SNX29: variants seen among roughly 807,000 people sequenced by gnomAD.
SNX29 encodes the protein sorting nexin 29, also known as sorting nexin-29.
Under a neutral mutation model 102.1 loss-of-function variants are expected in SNX29, and 78 were observed. That is an observed-to-expected ratio of 0.76 (90% CI 0.64 to 0.92). The LOEUF (loss-of-function observed/expected upper bound fraction) is 0.92. Ranked by LOEUF, SNX29 falls within the 40% of genes least tolerant of loss-of-function variation. The probability of loss-of-function intolerance (pLI) is 0.00; values close to 1 mark genes in which losing one functional copy is unlikely to be tolerated. For synonymous variants in SNX29, 580 were observed against 414.5 expected, an observed-to-expected ratio of 1.40 and a Z score of -4.85; for missense variants, 1,280 against 1,061.7, an observed-to-expected ratio of 1.21 and a Z score of -2.86.
At chr16:12,264,419 T>C (rs1830386022) in intron 14 of SNX29, among the ~76,000 whole-genome samples, 1 of 152,248 alleles carries the variant, frequency 6.6e-6, no homozygotes, top group African/African-American at 2.4e-5. Flanking sequence ...TTTCCGCCTC[T>C]GATATGTATA....
At chr16:12,467,268 C>G (rs537723398) in intron 18 of SNX29, among the ~76,000 whole-genome samples, 4 of 152,326 alleles carry the variant, frequency 2.6e-5, no homozygotes, top group African/African-American at 9.6e-5. Flanking sequence ...CTCTTAGAGA[C>G]ATACATCTGT....
chr16:12,439,687 C>G (rs1263927171), intron 18 of SNX29, among the ~76,000 whole-genome samples: 1 of 147,740 alleles, frequency 6.8e-6, no homozygotes, highest in African/African-American at 2.6e-5. Context: ...GTTATGGCAG[C>G]TACAATTCAA....
In SNX29 at chr16:12,477,761, C is replaced by T. The variant is rs1011165227; in HGVS notation, c.2080C>T (p.Arg694Trp). The T allele has an allele frequency of 5.0e-6, 8 of 1,613,064 alleles. No homozygotes were observed. The highest frequency in any genetic ancestry group is 1.7e-5 in the Admixed American group (1 of 59,714). The change falls in exon 19 of 21, where the codon CGG becomes TGG. Residue 694 changes from arginine (R) to tryptophan (W), a missense_variant. By Grantham distance (101) the Arg-to-Trp change is moderately radical. Transcript: ENST00000566228. ...AGACGATGAATGGAATATTTATCGC[C>T]GGTATACAGAGTTCAGGAGTTTGCA... ...IKDDEWNIYRRYTEFRSLHHK... is the reference protein window; with the variant it reads ...IKDDEWNIYRWYTEFRSLHHK...
At chr16:12,493,633 C>T (rs760900508) in intron 19 of SNX29, among the ~76,000 whole-genome samples, 1 of 152,210 alleles carries the variant, frequency 6.6e-6, no homozygotes, top group Non-Finnish European at 1.5e-5. Flanking sequence ...TCACTCTTGC[C>T]CAGGCTGGAC....
chr16:12,346,685 C>T (rs2081819742), intron 15 of SNX29, among the ~76,000 whole-genome samples: 1 of 152,172 alleles, frequency 6.6e-6, no homozygotes. Flanking sequence ...GGCTGGGGCT[C>T]CAGGTTTTGT....
chr16:12,235,143 A>C (rs1406484079), intron 14 of SNX29, among the ~76,000 whole-genome samples: 1 of 151,436 alleles, frequency 6.6e-6, no homozygotes, highest in Non-Finnish European at 1.5e-5. Flanking sequence ...TGTTGACCTT[A>C]TCAGATGAAC....
At chr16:12,208,946 G>T (rs1346559746) in intron 14 of SNX29, among the ~76,000 whole-genome samples, 1 of 151,962 alleles carries the variant, frequency 6.6e-6, no homozygotes, top group African/African-American at 2.4e-5. Flanking sequence ...ACTTAGCTTT[G>T]TTAGGGGCTG....
At chr16:12,566,368 C>T (rs995947078) in intron 20 of SNX29, among the ~76,000 whole-genome samples, 2 of 152,168 alleles carry the variant, frequency 1.3e-5, no homozygotes, top group South Asian at 2.1e-4. Flanking sequence ...TCTCCTCTCC[C>T]AACCAACAAG....
chr16:12,400,416 T>A (rs1208808576), intron 17 of SNX29, among the ~76,000 whole-genome samples: 1 of 152,196 alleles, frequency 6.6e-6, no homozygotes. Flanking sequence ...CCTTCAGAGA[T>A]GGGTGTCTCC....
intron 20 of SNX29, among the ~76,000 whole-genome samples, chr16:12,533,997 T>TAAA (rs1396812408): frequency 6.6e-6 from 1 of 152,228 alleles, no homozygotes; most frequent in African/African-American, 2.4e-5. Context: ...CACTGTACCT[T>TAAA]AAAAGCCTTC....
At chr16:12,372,645 T>G (rs1005543480) in intron 16 of SNX29, 4 of 152,282 alleles carry the variant, frequency 2.6e-5, no homozygotes, top group African/African-American at 7.2e-5. Flanking sequence ...TCAAGTATAA[T>G]GATGGCACAA....
At chr16:11,990,950 C>T (rs2055824824) in intron 1 of SNX29, among the ~76,000 whole-genome samples, 1 of 152,240 alleles carries the variant, frequency 6.6e-6, no homozygotes, top group African/African-American at 2.4e-5. Flanking sequence ...TACATATTAT[C>T]TATGGCTGTT....
chr16:12,547,201 C>A (rs548789186), intron 20 of SNX29, among the ~76,000 whole-genome samples: 1 of 152,184 alleles, frequency 6.6e-6, no homozygotes, highest in Non-Finnish European at 1.5e-5. Flanking sequence ...GATAGTTTGA[C>A]CCGAAGTGGA....
chr16:12,538,595 A>G (rs1486155292), intron 20 of SNX29, among the ~76,000 whole-genome samples: 2 of 152,128 alleles, frequency 1.3e-5, no homozygotes, highest in Non-Finnish European at 2.9e-5. Flanking sequence ...TCTGGGAATC[A>G]GTAGGTGGAT....
In SNX29 at chr16:12,550,844, A is replaced by C. The variant is rs563666254; in HGVS notation, c.2319-17662A>C. Among the ~76,000 whole-genome samples the C allele has an allele frequency of 1.8e-4, 27 of 152,340 alleles. No homozygotes were observed. The East Asian group carries it at 4.8e-3, about 27-fold the overall frequency. On this transcript the variant is annotated intron_variant, in intron 20 of 20. Transcript: ENST00000566228. ...TTTACCTTTTTACAGATGATTTTTG[A>C]GCAGTATTTTCATGATAGACTTTCT...
At chr16:12,221,068 G>A (rs567668847) in intron 14 of SNX29, among the ~76,000 whole-genome samples, 1 of 151,860 alleles carries the variant, frequency 6.6e-6, no homozygotes, top group African/African-American at 2.4e-5. Context: ...GCCCTGAATT[G>A]TTTGTAGTTC....
chr16:12,347,315 C>T (rs2081843259), intron 15 of SNX29, among the ~76,000 whole-genome samples: 1 of 151,952 alleles, frequency 6.6e-6, no homozygotes, highest in South Asian at 2.1e-4. Context: ...GAGGATGAGT[C>T]CCGAGATTCC....
chr16:12,422,852 TCA>T lies in SNX29; in HGVS notation c.2037+19326_2037+19327del, dbSNP rs1473865312. On this transcript the variant is annotated intron_variant, in intron 18 of 20. Transcript: ENST00000566228. ...GTGAAGCCTGGCATGGAGCTGGGAT[TCA>T]CAGTCTCTCAGGATGAGGCTGCTGG... Among the ~76,000 whole-genome samples the T allele has an allele frequency of 6.6e-5, 10 of 152,344 alleles. No homozygotes were observed. In the South Asian group the frequency reaches 1.7e-3, roughly 25 times the overall value.
At chr16:12,310,075 TACAC>T (rs1218678946) in intron 15 of SNX29, among the ~76,000 whole-genome samples, 1 of 151,192 alleles carries the variant, frequency 6.6e-6, no homozygotes, top group African/African-American at 2.4e-5. Context: ...CGCACATACA[TACAC>T]ATGTGCACAC....
Sources: allele counts gnomAD v4.1 joint callset (sites outside exome capture counted in the v4.1 genomes callset), GRCh38; gene constraint gnomAD v4.1.1; transcripts MANE v1.5; gene names NCBI Gene and HGNC (gene_info 2026-07-23, HGNC 2026-07-21).